Variants in AUTS2 observed in about 807,000 individuals in gnomAD.
AUTS2 encodes autism susceptibility gene 2 protein.
In AUTS2, 17 loss-of-function variants were observed where a neutral mutation model predicts 112.4. The ratio of observed to expected loss-of-function variants is 0.15; its 90% CI spans 0.10 to 0.23. The LOEUF is 0.23. Ranked by LOEUF, AUTS2 falls within the 10% of genes least tolerant of loss-of-function variation. The probability of loss-of-function intolerance (pLI) is 1.00; values close to 1 mark genes in which losing one functional copy is unlikely to be tolerated. For missense variants in AUTS2, 1,510 were observed against 1,701.6 expected (o/e 0.89, Z 1.98); for synonymous variants, 751 against 702.7 (o/e 1.07, Z -1.09).
Position 70,406,024 on chromosome 7 carries a change from G to A in AUTS2, c.661-29728G>A, listed in dbSNP as rs957127301. Among the ~76,000 whole-genome samples, 11 of 152,254 alleles carry A rather than the reference G, an allele frequency of 7.2e-5. No individual in the cohort carries two copies. In the South Asian group the frequency reaches 1.9e-3, roughly 26 times the overall value. On this transcript the variant is annotated intron_variant, in intron 4 of 18. Coordinates refer to ENST00000342771, the MANE Select transcript of AUTS2 (RefSeq NM_015570.4). ...TGGTGGTGGTGGCGGCCTGGTGGCA[G>A]TCCTCCCCCTGAAGGTATTTAAAAG...
At chr7:70,338,446 A>C (rs1022585549) in intron 4 of AUTS2, among the ~76,000 whole-genome samples, 2 of 151,738 alleles carry the variant, frequency 1.3e-5, no homozygotes, top group Non-Finnish European at 2.9e-5. Context: ...TTTCACAAGA[A>C]GTTTTCTCTT....
At chr7:70,721,700 T>C (rs1044050193) in intron 6 of AUTS2, among the ~76,000 whole-genome samples, 2 of 152,218 alleles carry the variant, frequency 1.3e-5, no homozygotes, top group African/African-American at 4.8e-5. Flanking sequence ...CTGAGTCTAT[T>C]GGACCGTAGC....
chr7:70,657,057 CTCTGATGGCATTTTGATGCCATTTT>C (rs1806808089), intron 5 of AUTS2, among the ~76,000 whole-genome samples: 2 of 152,152 alleles, frequency 1.3e-5, no homozygotes, highest in African/African-American at 2.4e-5. Flanking sequence ...TTAATATCAT[CTCTGATGGCATTTTGATGCCATTTT>C]TCTGATGGCA....
intron 4 of AUTS2, among the ~76,000 whole-genome samples, chr7:70,208,011 C>CAAAAAAAAAAAAAAAAAAAAAAACA (rs1810660733): frequency 2.1e-5 from 1 of 48,054 alleles, no homozygotes; most frequent in African/African-American, 8.0e-5. Context: ...AACTCCATCT[C>CAAAAAAAAAAAAAAAAAAAAAAACA]AAAAAAAAAA....
At chr7:70,584,722 G>A (rs1401640308) in intron 5 of AUTS2, among the ~76,000 whole-genome samples, 1 of 152,254 alleles carries the variant, frequency 6.6e-6, no homozygotes, top group Non-Finnish European at 1.5e-5. Context: ...CCTGTTCCAG[G>A]GAGGCGAGTG....
chr7:70,712,595 A>G (rs1453991741), intron 6 of AUTS2, among the ~76,000 whole-genome samples: 1 of 152,108 alleles, frequency 6.6e-6, no homozygotes, highest in Admixed American at 6.6e-5. Context: ...AGAATTGGAA[A>G]CTCTGGGGTA....
chr7:70,430,814 G>A (rs1267264064), intron 4 of AUTS2, among the ~76,000 whole-genome samples: 1 of 146,952 alleles, frequency 6.8e-6, no homozygotes, highest in Non-Finnish European at 1.5e-5. Flanking sequence ...CCACATAGCA[G>A]ATTGCAGTGT....
intron 1 of AUTS2, among the ~76,000 whole-genome samples, chr7:69,650,215 C>T (rs1037339018): frequency 5.3e-5 from 8 of 152,158 alleles, no homozygotes; most frequent in Admixed American, 3.3e-4. Context: ...TGGTACTACC[C>T]ACAGACTGGA....
At chr7:70,181,796 C>CTTTT (rs35077931) in intron 4 of AUTS2, among the ~76,000 whole-genome samples, 3 of 110,156 alleles carry the variant, frequency 2.7e-5, no homozygotes, top group Non-Finnish European at 3.6e-5. Flanking sequence ...GCTGAGCTAA[C>CTTTT]TTTTTTTTTT....
intron 4 of AUTS2, among the ~76,000 whole-genome samples, chr7:70,168,897 G>A (rs1808522282): frequency 6.6e-6 from 1 of 151,996 alleles, no homozygotes; most frequent in Non-Finnish European, 1.5e-5. Flanking sequence ...TAAATATTAG[G>A]TCATCATTTC....
chr7:70,121,408 C>T (rs1584753844), intron 3 of AUTS2, among the ~76,000 whole-genome samples: 1 of 151,942 alleles, frequency 6.6e-6, no homozygotes. Context: ...AAAAAGACAG[C>T]CTACAAAATG....
At chr7:70,503,516 A>ATTTTTTT (rs5884783) in intron 5 of AUTS2, among the ~76,000 whole-genome samples, 1 of 120,182 alleles carries the variant, frequency 8.3e-6, no homozygotes, top group African/African-American at 3.2e-5. Context: ...CTCCCGTCTC[A>ATTTTTTT]TTTTTTTTTT....
At chr7:70,227,553 T>C (rs561851659) in intron 4 of AUTS2, among the ~76,000 whole-genome samples, 24 of 152,244 alleles carry the variant, frequency 1.6e-4, no homozygotes, top group Middle Eastern at 3.4e-3. Flanking sequence ...GAAGTGTCTG[T>C]TACTGGTTTA....
chr7:70,144,207 G>C (rs1411127411), intron 4 of AUTS2, among the ~76,000 whole-genome samples: 1 of 152,060 alleles, frequency 6.6e-6, no homozygotes, highest in Non-Finnish European at 1.5e-5. Context: ...TACCTTTGTG[G>C]AAAATAGACT....
chr7:70,651,446 G>A (rs1215701635), intron 5 of AUTS2, among the ~76,000 whole-genome samples: 1 of 152,170 alleles, frequency 6.6e-6, no homozygotes, highest in Non-Finnish European at 1.5e-5. Context: ...AATATTTTAA[G>A]TCAAAAATGC....
chr7:70,322,199 G>A (rs1485604800), intron 4 of AUTS2, among the ~76,000 whole-genome samples: 1 of 151,872 alleles, frequency 6.6e-6, no homozygotes, highest in African/African-American at 2.4e-5. Flanking sequence ...TTCTTTATAG[G>A]CATAATTTTT....
At chr7:70,283,211 A>G (rs1171242420) in intron 4 of AUTS2, among the ~76,000 whole-genome samples, 1 of 152,216 alleles carries the variant, frequency 6.6e-6, no homozygotes, top group East Asian at 1.9e-4. Flanking sequence ...AAATTGCTCT[A>G]CCTGGAGAAA....
intron 1 of AUTS2, among the ~76,000 whole-genome samples, chr7:69,811,889 C>A (rs1158856514): frequency 1.3e-5 from 2 of 152,162 alleles, no homozygotes; most frequent in Non-Finnish European, 2.9e-5. Context: ...TGCTGTATTT[C>A]CCCACCCCCA....
intron 5 of AUTS2, among the ~76,000 whole-genome samples, chr7:70,619,039 C>A (rs772118787): frequency 9.2e-5 from 14 of 152,056 alleles, no homozygotes; most frequent in Non-Finnish European, 2.1e-4. Flanking sequence ...TGGGACACAC[C>A]CTGTTTTCAA....
Sources: gnomAD v4.1 joint callset for allele counts (sites outside exome capture counted in the v4.1 genomes callset) on GRCh38, gnomAD v4.1.1 for gene constraint, MANE v1.5 for transcripts, NCBI Gene and HGNC (gene_info 2026-07-23, HGNC 2026-07-21) for gene names.